CALN1: variants seen among roughly 807,000 people sequenced by gnomAD.
The protein encoded by CALN1 is calneuron 1.
CALN1 carries 17 observed loss-of-function variants against 30.6 expected under a neutral mutation model. The ratio of observed to expected loss-of-function variants is 0.56; its 90% CI spans 0.38 to 0.83. The LOEUF is 0.83. Among genes scored for constraint, CALN1 ranks in the 40% least tolerant of loss-of-function variants. The probability of loss-of-function intolerance (pLI) is 0.00; values close to 1 mark genes in which losing one functional copy is unlikely to be tolerated. For missense variants in CALN1, 291 were observed against 354.9 expected (o/e 0.82, Z 1.45); for synonymous variants, 156 against 131.4 (o/e 1.19, Z -1.28).
At chr7:72,177,961 G>A (rs2129545862) in intron 3 of CALN1, among the ~76,000 whole-genome samples, 1 of 152,196 alleles carries the variant, frequency 6.6e-6, no homozygotes, top group Non-Finnish European at 1.5e-5. Context: ...CAACCACCTT[G>A]CCAAGTGCTC....
At chr7:71,984,132 G>A (rs572713857) in intron 5 of CALN1, among the ~76,000 whole-genome samples, 3 of 152,242 alleles carry the variant, frequency 2.0e-5, no homozygotes, top group Non-Finnish European at 2.9e-5. Flanking sequence ...TCTAGCTAGC[G>A]AGGTTAATTC....
At chr7:72,248,765 C>G (rs538182109) in intron 3 of CALN1, among the ~76,000 whole-genome samples, 3 of 152,092 alleles carry the variant, frequency 2.0e-5, no homozygotes, top group South Asian at 4.2e-4. Flanking sequence ...TTTGGGGGTA[C>G]ATCTTTCGGG....
At chr7:72,158,822 C>G (rs1323308093) in intron 3 of CALN1, among the ~76,000 whole-genome samples, 2 of 152,096 alleles carry the variant, frequency 1.3e-5, no homozygotes, top group Non-Finnish European at 2.9e-5. Context: ...TGCCCTATCT[C>G]TTACCTCTTA....
chr7:71,971,488 T>G (rs1797797013), intron 5 of CALN1, among the ~76,000 whole-genome samples: 1 of 151,966 alleles, frequency 6.6e-6, no homozygotes. Flanking sequence ...ACCCCGAATA[T>G]TTACTGAGAC....
Position 71,834,443 on chromosome 7 carries a change from G to C in CALN1, c.502-23951C>G, listed in dbSNP as rs375267194. On this transcript the variant is annotated intron_variant, in intron 5 of 6. Transcript: ENST00000395275. ...GAAAAGAAATACGTATATAGAAGTG[G>C]TTGAGAGGAACAGCAAGGTAAGGAA... Among the ~76,000 whole-genome samples, 9 of 151,194 alleles carry C rather than the reference G, an allele frequency of 6.0e-5. No individual in the cohort carries two copies. The East Asian group carries it at 1.6e-3, about 26-fold the overall frequency.
At chr7:72,427,088 T>A (rs1807821824) in intron 1 of CALN1, among the ~76,000 whole-genome samples, 1 of 152,150 alleles carries the variant, frequency 6.6e-6, no homozygotes, top group African/African-American at 2.4e-5. Flanking sequence ...GATCAAGTGA[T>A]CCTCTCACCT....
At chr7:71,863,115 C>A (rs577169175) in intron 5 of CALN1, among the ~76,000 whole-genome samples, 41 of 151,840 alleles carry the variant, frequency 2.7e-4, no homozygotes, top group Non-Finnish European at 4.6e-4. Context: ...AAAAAGTTAG[C>A]CAGGCATAGT....
intron 2 of CALN1, among the ~76,000 whole-genome samples, chr7:72,353,909 G>A (rs368288445): frequency 2.2e-4 from 34 of 152,124 alleles, no homozygotes; most frequent in Admixed American, 5.2e-4. Context: ...CATTCAGGCC[G>A]GGCGTAGTGG....
At chr7:72,013,560 G>A (rs1185560796) in intron 5 of CALN1, among the ~76,000 whole-genome samples, 1 of 151,950 alleles carries the variant, frequency 6.6e-6, no homozygotes, top group African/African-American at 2.4e-5. Flanking sequence ...ACTAATTTGA[G>A]ATTTTGTTAA....
At chr7:71,887,737 G>T (rs1011242510) in intron 5 of CALN1, among the ~76,000 whole-genome samples, 2 of 152,172 alleles carry the variant, frequency 1.3e-5, no homozygotes, top group African/African-American at 4.8e-5. Flanking sequence ...CAGGAGAGAG[G>T]AGGCAATGCA....
intron 3 of CALN1, among the ~76,000 whole-genome samples, chr7:72,248,880 C>T (rs989610944): frequency 6.6e-6 from 1 of 151,730 alleles, no homozygotes; most frequent in Non-Finnish European, 1.5e-5. Flanking sequence ...AGTCTATAAT[C>T]GATCATGTTT....
chr7:72,205,557 T>TATATATATATATATACACAC (rs1791788699), intron 3 of CALN1, among the ~76,000 whole-genome samples: 1 of 109,944 alleles, frequency 9.1e-6, no homozygotes, highest in African/African-American at 4.3e-5. Context: ...AAAAAATATA[T>TATATATATATATATACACAC]ATATATATAT....
chr7:72,332,066 T>C (rs1385167799), intron 2 of CALN1, among the ~76,000 whole-genome samples: 1 of 152,172 alleles, frequency 6.6e-6, no homozygotes, highest in Non-Finnish European at 1.5e-5. Flanking sequence ...TTCCATGGTG[T>C]ATATGTACCA....
chr7:71,830,197 C>T (rs1789183239), intron 5 of CALN1, among the ~76,000 whole-genome samples: 1 of 151,930 alleles, frequency 6.6e-6, no homozygotes, highest in Admixed American at 6.6e-5. Flanking sequence ...CCATGCGCCA[C>T]CACGGCTGGC....
intron 2 of CALN1, among the ~76,000 whole-genome samples, chr7:72,353,332 T>C (rs959581674): frequency 1.3e-5 from 2 of 152,114 alleles, no homozygotes; most frequent in African/African-American, 4.8e-5. Flanking sequence ...CCTTAACATA[T>C]ATTAGCAAGC....
chr7:71,852,151 G>A (rs985681212), intron 5 of CALN1, among the ~76,000 whole-genome samples: 10 of 152,094 alleles, frequency 6.6e-5, no homozygotes, highest in Admixed American at 1.3e-4. Context: ...CATTGCACAC[G>A]TTCACCACAA....
intron 3 of CALN1, 98 bp from the exon 4 acceptor site, chr7:72,106,392 A>T: frequency 2.1e-6 from 3 of 1,413,752 alleles, no homozygotes; most frequent in Non-Finnish European, 2.9e-6. Flanking sequence ...TAACTGCTTT[A>T]AAAACAGTGA....
the CALN1 span, among the ~76,000 whole-genome samples, chr7:72,501,781 C>T: frequency 2.0e-5 from 3 of 149,314 alleles, no homozygotes; most frequent in African/African-American, 2.5e-5. Context: ...TGGTGGTGGG[C>T]GCCTGTAGTC....
intron 4 of CALN1, among the ~76,000 whole-genome samples, chr7:72,030,760 TC>T (rs1250390838): frequency 6.6e-6 from 1 of 151,908 alleles, no homozygotes; most frequent in Non-Finnish European, 1.5e-5. Flanking sequence ...TTTTTTTTTT[TC>T]TTAGAGGCAG....
Sources: allele counts gnomAD v4.1 joint callset (sites outside exome capture counted in the v4.1 genomes callset), GRCh38; gene constraint gnomAD v4.1.1; transcripts MANE v1.5; gene names NCBI Gene and HGNC (gene_info 2026-07-23, HGNC 2026-07-21).